CLDN19: variants seen among roughly 807,000 people sequenced by gnomAD.
The protein encoded by CLDN19 is claudin-19.
CLDN19 carries 19 observed loss-of-function variants against 24.5 expected under a neutral mutation model. The observed-to-expected ratio is 0.78, with a 90% confidence interval of 0.54 to 1.14. CLDN19 has a LOEUF of 1.14. CLDN19 is among the 50% of genes most tolerant of loss of function. CLDN19 has a pLI of 0.00. For missense variants in CLDN19, 250 were observed against 295.9 expected, an observed-to-expected ratio of 0.84 and a Z score of 1.14; for synonymous variants, 117 against 129.6, an observed-to-expected ratio of 0.90 and a Z score of 0.66.
intron 3 of CLDN19, 87 bp downstream of exon 3, chr1:42,738,142 C>T (rs1651430674): frequency 1.8e-6 from 2 of 1,125,118 alleles, no homozygotes; most frequent in Admixed American, 1.7e-5. Context: ...TGGATCCTGT[C>T]CCCACTTCCC....
In CLDN19 at chr1:42,735,613, G is replaced by C; in HGVS notation, c.626+265C>G. ...CCTGTCTCCAGGGATGCATGCTGGTGCCCACCAGGCTGTGCAGACAAGACC... is the reference window on the plus strand; with the variant it reads ...CCTGTCTCCAGGGATGCATGCTGGTCCCCACCAGGCTGTGCAGACAAGACC... On this transcript the variant is annotated intron_variant, in intron 4 of 4. Transcript: ENST00000296387. 10 of 1,425,328 alleles carry C rather than the reference G, an allele frequency of 7.0e-6. No homozygotes were observed. The South Asian group carries it at 7.8e-5, about 11-fold the overall frequency. 88.3% of individuals were successfully genotyped at this position (1,425,328 alleles called of 1,614,324 possible). A position where few individuals can be genotyped will look rare whatever the true frequency, so the allele number is the denominator to read the frequency against.
intron 1 of CLDN19, 117 bp from the exon 2 acceptor site, chr1:42,738,702 G>T: frequency 1.1e-6 from 1 of 912,038 alleles, no homozygotes; most frequent in South Asian, 1.6e-5. Context: ...TGGCCTGGGG[G>T]GTCAGACCAC....
intron 3 of CLDN19, 26 bp downstream of exon 3, chr1:42,738,203 C>A: frequency 6.3e-7 from 1 of 1,591,192 alleles, no homozygotes; most frequent in South Asian, 1.1e-5. Context: ...GGAGGTAAAG[C>A]AAAAGACCCA....
Position 42,734,036 on chromosome 1 carries a change from G to A in CLDN19, c.*1050C>T, listed in dbSNP as rs1426580574. The A allele has an allele frequency of 6.6e-6, 1 of 152,474 alleles. No homozygotes were observed. The highest frequency in any genetic ancestry group is 1.5e-5 in the Non-Finnish European group (1 of 68,206). 9.4% of individuals were successfully genotyped at this position (152,474 alleles called of 1,614,324 possible). A position where few individuals can be genotyped will look rare whatever the true frequency, so the allele number is the denominator to read the frequency against. On this transcript the variant is annotated 3_prime_UTR_variant, in exon 5 of 5. Transcript: ENST00000296387. The stretch of plus-strand genomic sequence containing the variant: ...TGCGTGGCAGGGAAGGGGAGGTTCT[G>A]TGATGGATGCTTTCCCCAGAAGCCT...
intron 4 of CLDN19, chr1:42,735,511 C>G (rs1378911877): frequency 7.1e-7 from 1 of 1,414,724 alleles, no homozygotes; most frequent in East Asian, 2.5e-5. Flanking sequence ...GGCCACTGCT[C>G]TATCTCTAGG....
chr1:42,734,500 A>C lies in CLDN19; in HGVS notation c.*586T>G, dbSNP rs1651290639. On this transcript the variant is annotated 3_prime_UTR_variant, in exon 5 of 5. Transcript: ENST00000296387. The stretch of plus-strand genomic sequence containing the variant: ...TGCTCAGGACAGTCCTAATGCCTGC[A>C]AGCTCCTAACGCCCTCCCCACATTC... The C allele has an allele frequency of 6.5e-6, 1 of 154,402 alleles. No homozygotes were observed. Among genetic ancestry groups the C allele is most frequent in the African/African-American group, 2.4e-5 (1 of 41,412 alleles). The allele number at this position is 154,402 out of a possible 1,614,324, so 9.6% of individuals were successfully genotyped here.
At chr1:42,735,802 T>TGCG in intron 4 of CLDN19, 76 bp downstream of exon 4, 1 of 1,547,072 alleles carries the variant, frequency 6.5e-7, no homozygotes, top group Non-Finnish European at 8.7e-7. Flanking sequence ...CCCAGGGTGC[T>TGCG]GCGAGGCTGG....
In CLDN19 at chr1:42,735,748, G is replaced by A. The variant is rs1022106419; in HGVS notation, c.626+130C>T. 7 of 1,496,270 alleles carry A rather than the reference G, an allele frequency of 4.7e-6. No homozygotes were observed. In the African/African-American group the frequency reaches 8.3e-5, roughly 18 times the overall value. 92.7% of individuals were successfully genotyped at this position (1,496,270 alleles called of 1,614,324 possible). ...GGGTGGGTGCTTGTGTTGAGGACAAGCTGCTCAGAGCACCTATGCCCATCC... is the reference window on the plus strand; with the variant it reads ...GGGTGGGTGCTTGTGTTGAGGACAAACTGCTCAGAGCACCTATGCCCATCC... On this transcript the variant is annotated intron_variant, in intron 4 of 4. Transcript: ENST00000296387.
Position 42,735,146 on chromosome 1 carries a change from AAGAG to A in CLDN19, c.627-16_627-13del. 6.2e-7 allele frequency: 1 copy of A among 1,613,982 alleles called. No homozygotes were observed. Among genetic ancestry groups the A allele is most frequent in the Non-Finnish European group, 8.5e-7 (1 of 1,179,910 alleles). On this transcript the variant is annotated splice_polypyrimidine_tract_variant and intron_variant, in intron 4 of 4. Coordinates refer to ENST00000296387, the MANE Select transcript of CLDN19 (RefSeq NM_148960.3). ...ATTTAACAACTGGTCTGAAAGTCAA[AAGAG>A]AGAGAGCTGGTTAGTGGAGTGAGCT... is the stretch of plus-strand genomic sequence containing the variant.
chr1:42,735,283 G>C, intron 4 of CLDN19, 149 bp from the exon 5 acceptor site: 18 of 1,528,068 alleles, frequency 1.2e-5, no homozygotes, highest in Non-Finnish European at 1.6e-5. Flanking sequence ...ATTCCCGGGG[G>C]CAGGGGCGCC....
In CLDN19 at chr1:42,739,940, T is replaced by C; in HGVS notation, c.124A>G (p.Thr42Ala). Residue 42 changes from threonine to alanine, a missense_variant, in exon 1 of 5, where the codon ACT becomes GCT. By Grantham distance (58) the Thr-to-Ala change is moderately conservative (BLOSUM62 0). Coordinates refer to ENST00000296387, the MANE Select transcript of CLDN19 (RefSeq NM_148960.3). Reference protein sequence around the residue: ...QSSYAGDAIITAVGLYEGLWM... With the variant: ...QSSYAGDAIIAAVGLYEGLWM... ...AGCCCTTCATAGAGGCCCACGGCAG[T>C]GATGATGGCGTCGCCTGCGTAGGAA... The C allele has an allele frequency of 6.2e-7, 1 of 1,610,460 alleles. No homozygotes were observed. Among genetic ancestry groups the C allele is most frequent in the African/African-American group, 1.3e-5 (1 of 74,968 alleles).
chr1:42,737,786 T>G (rs1166816702), intron 3 of CLDN19, among the ~76,000 whole-genome samples: 2 of 152,210 alleles, frequency 1.3e-5, no homozygotes, highest in Non-Finnish European at 2.9e-5. Flanking sequence ...GGGTTCAAGC[T>G]ATTCTCCTGC....
rs550521995 is a variant in CLDN19 at position 42,734,980 on chromosome 1, C to A, written c.*106G>T. The stretch of plus-strand genomic sequence containing the variant: ...CGTCCAAGCCACGCTGAGGACAGAC[C>A]GAATGATACCATGATTGGGGCTGGA... On this transcript the variant is annotated 3_prime_UTR_variant, in exon 5 of 5. Coordinates refer to ENST00000296387, the MANE Select transcript of CLDN19 (RefSeq NM_148960.3). The A allele has an allele frequency of 6.2e-6, 6 of 960,784 alleles. No homozygotes were observed. In the African/African-American group the frequency reaches 8.0e-5, roughly 13 times the overall value. 59.5% of individuals were successfully genotyped at this position (960,784 alleles called of 1,614,324 possible). A position where few individuals can be genotyped will look rare whatever the true frequency, so the allele number is the denominator to read the frequency against.
chr1:42,735,513 A>C (rs770205728), intron 4 of CLDN19: 2 of 1,413,646 alleles, frequency 1.4e-6, no homozygotes, highest in Admixed American at 5.8e-5. Flanking sequence ...CCACTGCTCT[A>C]TCTCTAGGGC....
At chr1:42,739,429 C>A (rs1041577541) in intron 1 of CLDN19, among the ~76,000 whole-genome samples, 2 of 152,234 alleles carry the variant, frequency 1.3e-5, no homozygotes, top group Non-Finnish European at 2.9e-5. Context: ...GGCACACAGG[C>A]CTGGGAGCAG....
At position 42,740,008 on chromosome 1, in the gene CLDN19, A is replaced by AC; in HGVS notation, c.55dup (p.Val19GlyfsTer6). 6.4e-7 allele frequency: 1 copy of AC among 1,573,912 alleles called. No individual in the cohort carries two copies. Among genetic ancestry groups the AC allele is most frequent in the South Asian group, 1.2e-5 (1 of 86,328 alleles). On this transcript the variant is annotated frameshift_variant, in exon 1 of 5. Transcript: ENST00000296387. LOFTEE classifies it high-confidence loss of function. ...CAGGGCTGTGCTAGCAATGATGCCC[A>AC]CCCAGCCACCCAGGGCCAAGAAGTA...
At chr1:42,738,133 G>T in intron 3 of CLDN19, 96 bp downstream of exon 3, 1 of 1,062,186 alleles carries the variant, frequency 9.4e-7, no homozygotes, top group Non-Finnish European at 1.5e-6. Context: ...GACAGCAGCT[G>T]GATCCTGTCC....
intron 1 of CLDN19, among the ~76,000 whole-genome samples, chr1:42,738,808 C>T (rs1651458160): frequency 6.6e-6 from 1 of 152,134 alleles, no homozygotes; most frequent in East Asian, 1.9e-4. Context: ...CCATTCTCCA[C>T]TCGCCCTTGC....
chr1:42,734,956 G>T lies in CLDN19; in HGVS notation c.*130C>A. 1 of 798,222 alleles carries T rather than the reference G, an allele frequency of 1.3e-6. No homozygotes were observed. Among genetic ancestry groups the T allele is most frequent in the Non-Finnish European group, 2.1e-6 (1 of 473,610 alleles). 49.4% of individuals were successfully genotyped at this position (798,222 alleles called of 1,614,324 possible). ...CACTGACCACTCTGACACAGGCCCCGTCCAAGCCACGCTGAGGACAGACCG... is the reference window on the plus strand; with the variant it reads ...CACTGACCACTCTGACACAGGCCCCTTCCAAGCCACGCTGAGGACAGACCG... On this transcript the variant is annotated 3_prime_UTR_variant, in exon 5 of 5. Transcript: ENST00000296387.
Sources: allele counts gnomAD v4.1 joint callset (sites outside exome capture counted in the v4.1 genomes callset), GRCh38; gene constraint gnomAD v4.1.1; transcripts MANE v1.5; gene names NCBI Gene and HGNC (gene_info 2026-07-23, HGNC 2026-07-21).